The following GLRX3 variants were observed in gnomAD, a reference collection of about 807,000 sequenced individuals.
The protein encoded by GLRX3 is glutaredoxin-3.
Under a neutral mutation model 49.5 loss-of-function variants are expected in GLRX3, and 22 were observed. That is an observed-to-expected ratio of 0.44 (90% CI 0.32 to 0.63). The LOEUF is 0.63. Among genes scored for constraint, GLRX3 ranks in the 30% least tolerant of loss-of-function variants. The pLI is 0.05. For missense variants in GLRX3, 385 were observed against 396.3 expected, an observed-to-expected ratio of 0.97 and a Z score of 0.24; for synonymous variants, 133 against 140.0, an observed-to-expected ratio of 0.95 and a Z score of 0.35.
Position 130,166,019 on chromosome 10 carries a change from G to T in GLRX3, c.479-488G>T, listed in dbSNP as rs1347711529. 3.3e-5 allele frequency among the ~76,000 whole-genome samples: 5 copies of T among 152,304 alleles called. No individual in the cohort carries two copies. The East Asian group carries it at 7.7e-4, about 24-fold the overall frequency. On this transcript the variant is annotated intron_variant, in intron 4 of 10. Coordinates refer to ENST00000331244, the MANE Select transcript of GLRX3 (RefSeq NM_006541.5). ...TGGTTTTGTTTAAAGACAAGGTCTT[G>T]CTTTATCACTCAAACTGGAGGCTGG...
intron 10 of GLRX3, among the ~76,000 whole-genome samples, chr10:130,177,723 T>G (rs1347124900): frequency 6.6e-6 from 1 of 152,186 alleles, no homozygotes; most frequent in East Asian, 1.9e-4. Context: ...GGGCAGGGTG[T>G]CTGCTTGTTG....
chr10:130,169,338 G>A, intron 6 of GLRX3, 95 bp from the exon 7 acceptor site: 2 of 769,120 alleles, frequency 2.6e-6, no homozygotes, highest in Admixed American at 3.7e-5. Flanking sequence ...CTGTCATCCT[G>A]CCATCCCTCA....
intron 4 of GLRX3, among the ~76,000 whole-genome samples, chr10:130,162,386 C>T (rs78070134): frequency 0.019 from 2,894 of 152,304 alleles, 106 homozygotes; most frequent in African/African-American, 0.067. Flanking sequence ...TTAGTCTGTA[C>T]TAAACTAAAG....
chr10:130,143,555 G>T (rs191451563), intron 1 of GLRX3, among the ~76,000 whole-genome samples: 163 of 151,476 alleles, frequency 1.1e-3, no homozygotes, highest in Non-Finnish European at 1.8e-3. Flanking sequence ...TTTTAAATGG[G>T]TCTTGCTCTG....
chr10:130,179,077 A>G (rs966978179), intron 10 of GLRX3, among the ~76,000 whole-genome samples: 5 of 152,192 alleles, frequency 3.3e-5, no homozygotes, highest in African/African-American at 1.2e-4. Flanking sequence ...GCCTCAAGTG[A>G]TCTGCCCACC....
At chr10:130,159,920 G>T in intron 2 of GLRX3, 75 bp from the exon 3 acceptor site, 1 of 1,262,126 alleles carries the variant, frequency 7.9e-7, no homozygotes, top group Non-Finnish European at 1.2e-6. Flanking sequence ...GATAATGCAT[G>T]TGAAACTGAT....
At chr10:130,169,097 C>T (rs1430479708) in intron 6 of GLRX3, among the ~76,000 whole-genome samples, 1 of 152,062 alleles carries the variant, frequency 6.6e-6, no homozygotes, top group African/African-American at 2.4e-5. Context: ...AGATCTAGTT[C>T]TGGAAGTTTT....
intron 1 of GLRX3, among the ~76,000 whole-genome samples, chr10:130,139,833 G>T (rs935858016): frequency 6.6e-6 from 1 of 152,150 alleles, no homozygotes; most frequent in Non-Finnish European, 1.5e-5. Flanking sequence ...GGAGGCTGAG[G>T]TGGGAGGATT....
At chr10:130,173,043 A>G (rs1424708214) in intron 8 of GLRX3, among the ~76,000 whole-genome samples, 6 of 152,114 alleles carry the variant, frequency 3.9e-5, no homozygotes, top group Non-Finnish European at 7.4e-5. Flanking sequence ...TCCTTTCTTC[A>G]CCCCTGCCCT....
At chr10:130,147,840 A>C (rs1590059445) in intron 2 of GLRX3, among the ~76,000 whole-genome samples, 1 of 152,126 alleles carries the variant, frequency 6.6e-6, no homozygotes, top group Admixed American at 6.5e-5. Flanking sequence ...CCAGGAATTC[A>C]AAACCAGCCT....
rs778253179 is a variant in GLRX3, at chr10:130,166,573, T to C, written c.545T>C (p.Phe182Ser). The C allele has an allele frequency of 1.2e-6, 2 of 1,611,376 alleles. No homozygotes were observed. Among genetic ancestry groups the C allele is most frequent in the Admixed American group, 1.7e-5 (1 of 60,016 alleles). ...HNIQFSSFDI[F>S]SDEEVRQGLK... is the part of the protein sequence containing the mutation. Reference sequence around the variant, plus strand: ...ATTCAGTTTAGCAGTTTTGATATCTTCTCAGATGAAGAGGTTCGACAGGGA... The same window carrying C: ...ATTCAGTTTAGCAGTTTTGATATCTCCTCAGATGAAGAGGTTCGACAGGGA... The change falls in exon 5 of 11, where the codon TTC (phenylalanine) becomes TCC (serine). Residue 182 changes from phenylalanine to serine, a missense_variant. Physicochemically the swap from Phe to Ser is radical, Grantham distance 155 (BLOSUM62 -2). Coordinates refer to ENST00000331244, the MANE Select transcript of GLRX3 (RefSeq NM_006541.5).
chr10:130,151,516 C>G (rs538672765), intron 2 of GLRX3, among the ~76,000 whole-genome samples: 1 of 152,002 alleles, frequency 6.6e-6, no homozygotes, highest in African/African-American at 2.4e-5. Flanking sequence ...CGCTATCCCT[C>G]CCTCAGCCCC....
chr10:130,177,017 T>A (rs2134932864), intron 10 of GLRX3, among the ~76,000 whole-genome samples: 1 of 152,308 alleles, frequency 6.6e-6, no homozygotes, highest in African/African-American at 2.4e-5. Context: ...TATGTTCACC[T>A]GCTAAGAACA....
intron 4 of GLRX3, among the ~76,000 whole-genome samples, chr10:130,164,400 A>G (rs568998785): frequency 6.6e-6 from 1 of 152,248 alleles, no homozygotes; most frequent in African/African-American, 2.4e-5. Context: ...TATTTGAGGC[A>G]TAGTCAGATA....
intron 1 of GLRX3, among the ~76,000 whole-genome samples, chr10:130,141,554 TTGTG>T (rs1286435274): frequency 6.6e-6 from 1 of 152,216 alleles, no homozygotes; most frequent in Non-Finnish European, 1.5e-5. Flanking sequence ...CTCTTGGACT[TTGTG>T]TGAGTAGAAT....
chr10:130,164,360 A>G (rs560429771), intron 4 of GLRX3, among the ~76,000 whole-genome samples: 30 of 152,356 alleles, frequency 2.0e-4, no homozygotes, highest in Admixed American at 4.6e-4. Flanking sequence ...TAACTATTTC[A>G]GTTAACAAAG....
In GLRX3 at chr10:130,175,047, G is replaced by A. The variant is rs1168499774; in HGVS notation, c.915G>A (p.Leu305=). The A allele has an allele frequency of 6.2e-6, 10 of 1,605,452 alleles. No individual in the cohort carries two copies. Among genetic ancestry groups the A allele is most frequent in the African/African-American group, 4.0e-5 (3 of 74,716 alleles). Residue 305 remains leucine (L), a synonymous_variant, in exon 10 of 11, where the codon CTG becomes CTA. Coordinates refer to ENST00000331244, the MANE Select transcript of GLRX3 (RefSeq NM_006541.5). The part of the protein sequence containing the change: ...AYSNWPTYPQ[L]YVKGELVGGL... ...CAAATTGGCCAACATACCCTCAGCTGTATGTGAAAGGGGAGCTGGTGGGAG... is the reference window on the plus strand; with the variant it reads ...CAAATTGGCCAACATACCCTCAGCTATATGTGAAAGGGGAGCTGGTGGGAG...
chr10:130,145,207 A>C lies in GLRX3; in HGVS notation c.93-4A>C, dbSNP rs1426249198. 8.3e-7 allele frequency: 1 copy of C among 1,210,114 alleles called. No individual in the cohort carries two copies. The highest frequency in any genetic ancestry group is 1.2e-6 in the Non-Finnish European group (1 of 835,592). 75.0% of individuals were successfully genotyped at this position (1,210,114 alleles called of 1,614,324 possible). A position where few individuals can be genotyped will look rare whatever the true frequency, so the allele number is the denominator to read the frequency against. Reference sequence around the variant, plus strand: ...TTAAATAAATGCATTTAATTGATTTACAGGTCCCTCCTTGTGGTCCATTTC... The same window carrying C: ...TTAAATAAATGCATTTAATTGATTTCCAGGTCCCTCCTTGTGGTCCATTTC... On this transcript the variant is annotated splice_polypyrimidine_tract_variant and splice_region_variant and intron_variant, in intron 1 of 10. Coordinates refer to ENST00000331244, the MANE Select transcript of GLRX3 (RefSeq NM_006541.5).
intron 9 of GLRX3, 35 bp from the exon 10 acceptor site, chr10:130,174,962 A>G (rs999403150): frequency 6.4e-7 from 1 of 1,570,470 alleles, no homozygotes. Flanking sequence ...TAAGGGCCTG[A>G]TAGGATGGTT....
Sources: gnomAD v4.1 joint callset for allele counts (sites outside exome capture counted in the v4.1 genomes callset) on GRCh38, gnomAD v4.1.1 for gene constraint, MANE v1.5 for transcripts, NCBI Gene and HGNC (gene_info 2026-07-23, HGNC 2026-07-21) for gene names.